The following TSPAN18 variants were observed in gnomAD, a reference collection of about 807,000 sequenced individuals.
TSPAN18 encodes the protein tetraspanin-18.
In TSPAN18, 14 loss-of-function variants were observed where a neutral mutation model predicts 27.3. The observed-to-expected ratio is 0.51, with a 90% confidence interval of 0.34 to 0.80. The LOEUF is 0.80. TSPAN18 is among the 30% of genes least tolerant of loss of function. The pLI, the probability that TSPAN18 is intolerant of heterozygous loss-of-function variation, is 0.01. For synonymous variants in TSPAN18, 143 were observed against 136.5 expected, an observed-to-expected ratio of 1.05 and a Z score of -0.33; for missense variants, 268 against 323.9, an observed-to-expected ratio of 0.83 and a Z score of 1.32.
chr11:44,778,062 G>C (rs911329317), intron 2 of TSPAN18, among the ~76,000 whole-genome samples: 2 of 152,252 alleles, frequency 1.3e-5, no homozygotes, highest in African/African-American at 4.8e-5. Context: ...CTCCAGGTGG[G>C]GGGTGGGGCA....
chr11:44,800,375 G>C (rs1856453575), intron 2 of TSPAN18, among the ~76,000 whole-genome samples: 1 of 152,128 alleles, frequency 6.6e-6, no homozygotes, highest in African/African-American at 2.4e-5. Context: ...TCTGGGGTTG[G>C]AGCCTCTTCT....
At chr11:44,789,956 C>T (rs763727876) in intron 2 of TSPAN18, among the ~76,000 whole-genome samples, 31 of 152,140 alleles carry the variant, frequency 2.0e-4, no homozygotes, top group African/African-American at 7.2e-4. Context: ...TTTCTGAGTG[C>T]GTTAGGGGCA....
At chr11:44,730,880 T>C (rs1854638770) in intron 1 of TSPAN18, among the ~76,000 whole-genome samples, 1 of 152,158 alleles carries the variant, frequency 6.6e-6, no homozygotes, top group Admixed American at 6.5e-5. Context: ...TGCCTCGGCC[T>C]CCCAAAGTGC....
chr11:44,829,186 G>C (rs902491403), intron 2 of TSPAN18, among the ~76,000 whole-genome samples: 1 of 152,094 alleles, frequency 6.6e-6, no homozygotes, highest in Non-Finnish European at 1.5e-5. Flanking sequence ...AATACATTGC[G>C]ATTAACTAAA....
chr11:44,837,790 G>A lies in TSPAN18; in HGVS notation c.-152-22538G>A, dbSNP rs74908073. Among the ~76,000 whole-genome samples the A allele has an allele frequency of 5.2e-3, 786 of 152,336 alleles. 8 individuals carry two copies. The highest frequency in any genetic ancestry group is 0.016 in the African/African-American group (661 of 41,574). On this transcript the variant is annotated intron_variant, in intron 2 of 9. Coordinates refer to ENST00000520358, the MANE Select transcript of TSPAN18 (RefSeq NM_130783.5). ...ATTACTACTTGCTGAAGGCTCAGAC[G>A]ATATTTAGCATTTTTTAGCAATGAA...
chr11:44,733,976 G>T (rs949690704), intron 1 of TSPAN18, among the ~76,000 whole-genome samples: 1 of 152,106 alleles, frequency 6.6e-6, no homozygotes, highest in African/African-American at 2.4e-5. Context: ...TTTGGGTCAT[G>T]GGGGCGGATC....
chr11:44,866,205 C>A (rs973204206), intron 3 of TSPAN18, among the ~76,000 whole-genome samples: 3 of 152,242 alleles, frequency 2.0e-5, no homozygotes, highest in Admixed American at 1.3e-4. Context: ...TGGGGCCCAG[C>A]ACATCATCGG....
chr11:44,739,766 G>T (rs1325750329), intron 1 of TSPAN18, among the ~76,000 whole-genome samples: 1 of 149,302 alleles, frequency 6.7e-6, no homozygotes, highest in Non-Finnish European at 1.5e-5. Context: ...CAGTCTCTGG[G>T]CCCAGAGACA....
At chr11:44,913,123 T>C (rs987307219) in intron 5 of TSPAN18, among the ~76,000 whole-genome samples, 2 of 152,234 alleles carry the variant, frequency 1.3e-5, no homozygotes, top group Admixed American at 1.3e-4. Context: ...GGGATCCTTC[T>C]AGAAGCCTTT....
chr11:44,758,150 G>A (rs1855374891), intron 1 of TSPAN18, among the ~76,000 whole-genome samples: 1 of 152,140 alleles, frequency 6.6e-6, no homozygotes, highest in Non-Finnish European at 1.5e-5. Context: ...AAAGCTTTCA[G>A]TCTTTCACCA....
chr11:44,913,797 A>G (rs1172346241), intron 5 of TSPAN18, among the ~76,000 whole-genome samples: 2 of 152,264 alleles, frequency 1.3e-5, no homozygotes, highest in African/African-American at 2.4e-5. Flanking sequence ...AGGATCAGGA[A>G]TGGCTGACAA....
intron 8 of TSPAN18, 152 bp from the exon 9 acceptor site, chr11:44,926,522 C>T: frequency 2.8e-6 from 2 of 715,548 alleles, no homozygotes; most frequent in South Asian, 3.3e-5. Flanking sequence ...GTCTCCTGCC[C>T]TGCACCCCCT....
intron 2 of TSPAN18, among the ~76,000 whole-genome samples, chr11:44,779,414 T>A (rs1003540150): frequency 3.3e-5 from 5 of 152,314 alleles, no homozygotes; most frequent in African/African-American, 1.2e-4. Context: ...TGACCTGCTC[T>A]GGGCAGGAGT....
chr11:44,914,812 T>C (rs966185121), intron 5 of TSPAN18, among the ~76,000 whole-genome samples: 1 of 152,200 alleles, frequency 6.6e-6, no homozygotes, highest in African/African-American at 2.4e-5. Flanking sequence ...AGATCCGCAG[T>C]GTCTGGGTAG....
chr11:44,873,368 G>A (rs886277703), intron 3 of TSPAN18, among the ~76,000 whole-genome samples: 4 of 152,228 alleles, frequency 2.6e-5, no homozygotes, highest in African/African-American at 9.6e-5. Context: ...GAATGCCACA[G>A]CAGCTTTAGG....
intron 1 of TSPAN18, among the ~76,000 whole-genome samples, chr11:44,752,398 T>G (rs1855231782): frequency 1.3e-5 from 2 of 152,214 alleles, no homozygotes; most frequent in South Asian, 4.1e-4. Context: ...TCTTTTTTTT[T>G]TGACACAGGG....
At chr11:44,919,518 T>A (rs953646586) in intron 7 of TSPAN18, 83 of 620,824 alleles carry the variant, frequency 1.3e-4, no homozygotes, top group Non-Finnish European at 2.1e-4. Flanking sequence ...GCTCTCCCTG[T>A]CTTGGGTCCC....
intron 5 of TSPAN18, among the ~76,000 whole-genome samples, chr11:44,917,007 C>T (rs1859935065): frequency 6.6e-6 from 1 of 152,232 alleles, no homozygotes; most frequent in South Asian, 2.1e-4. Flanking sequence ...ATCACAGGGC[C>T]TTCATGGCGA....
At chr11:44,756,618 C>G (rs1002775466) in intron 1 of TSPAN18, among the ~76,000 whole-genome samples, 1 of 152,156 alleles carries the variant, frequency 6.6e-6, no homozygotes, top group African/African-American at 2.4e-5. Flanking sequence ...TTTCTGGTCT[C>G]TGTGATTTTA....
Sources: allele counts gnomAD v4.1 joint callset (sites outside exome capture counted in the v4.1 genomes callset), GRCh38; gene constraint gnomAD v4.1.1; transcripts MANE v1.5; gene names NCBI Gene and HGNC (gene_info 2026-07-23, HGNC 2026-07-21).